Variants in XRCC4 observed in about 807,000 individuals in gnomAD.
XRCC4 encodes the protein DNA repair protein XRCC4.
XRCC4 carries 28 observed loss-of-function variants against 39.1 expected under a neutral mutation model. The ratio of observed to expected loss-of-function variants is 0.72; its 90% CI spans 0.53 to 0.98. XRCC4 has a LOEUF of 0.98. Ranked by LOEUF, XRCC4 falls within the 50% of genes least tolerant of loss-of-function variation. XRCC4 has a pLI of 0.00. For synonymous variants in XRCC4, 123 were observed against 126.4 expected (o/e 0.97, Z 0.18); for missense variants, 350 against 376.4 (o/e 0.93, Z 0.58).
chr5:83,135,013 T>C (rs1249158145), intron 3 of XRCC4, among the ~76,000 whole-genome samples: 1 of 152,180 alleles, frequency 6.6e-6, no homozygotes, highest in Non-Finnish European at 1.5e-5. Flanking sequence ...ACACACCATC[T>C]TTAAGAACTG....
chr5:83,242,799 A>G (rs1429226824), intron 6 of XRCC4, among the ~76,000 whole-genome samples: 1 of 152,160 alleles, frequency 6.6e-6, no homozygotes, highest in Non-Finnish European at 1.5e-5. Context: ...TATAACAACT[A>G]ATGTGCCAAG....
At chr5:83,260,484 C>T (rs1341276687) in intron 7 of XRCC4, among the ~76,000 whole-genome samples, 2 of 151,912 alleles carry the variant, frequency 1.3e-5, no homozygotes, top group African/African-American at 4.8e-5. Context: ...TAATGGTTTG[C>T]GGGAAGAAGG....
intron 3 of XRCC4, among the ~76,000 whole-genome samples, chr5:83,161,245 G>A (rs1228193781): frequency 6.6e-6 from 1 of 151,962 alleles, no homozygotes; most frequent in Non-Finnish European, 1.5e-5. Context: ...CAAGTAGCTG[G>A]GATTATGGGC....
At chr5:83,277,065 C>A (rs1354472610) in intron 7 of XRCC4, among the ~76,000 whole-genome samples, 2 of 151,912 alleles carry the variant, frequency 1.3e-5, no homozygotes, top group East Asian at 1.9e-4. Flanking sequence ...TTGAACTCAT[C>A]TATCTATGTA....
rs569075901 is a variant in XRCC4 at position 83,273,660 on chromosome 5, T to A, written c.893+14983T>A. 1.3e-3 allele frequency among the ~76,000 whole-genome samples: 196 copies of A among 152,268 alleles called. 1 individual carries two copies. The highest frequency in any genetic ancestry group is 4.7e-3 in the African/African-American group (194 of 41,560). ...GGCTACCCAGTTTTCCCAGCACCAT[T>A]TATTAAATAGGGAATCCTTTCCCCC... On this transcript the variant is annotated intron_variant, in intron 7 of 7. Transcript: ENST00000396027.
chr5:83,313,586 C>T (rs550519091), intron 7 of XRCC4, among the ~76,000 whole-genome samples: 19 of 152,112 alleles, frequency 1.2e-4, no homozygotes, highest in Non-Finnish European at 1.9e-4. Context: ...AAAAAGATTC[C>T]TTTCATACTT....
chr5:83,234,599 A>C (rs565661177), intron 6 of XRCC4, among the ~76,000 whole-genome samples: 9 of 152,258 alleles, frequency 5.9e-5, no homozygotes. Context: ...AGTATTCGAT[A>C]ATTCTGCTTA....
intron 7 of XRCC4, among the ~76,000 whole-genome samples, chr5:83,350,186 C>T (rs1158916807): frequency 1.3e-5 from 2 of 152,110 alleles, no homozygotes; most frequent in Non-Finnish European, 2.9e-5. Flanking sequence ...AGGTTGATTC[C>T]ATGTCTTTGC....
intron 6 of XRCC4, among the ~76,000 whole-genome samples, chr5:83,243,660 G>C (rs1752994798): frequency 6.6e-6 from 1 of 152,170 alleles, no homozygotes; most frequent in South Asian, 2.1e-4. Context: ...GCACTCTACA[G>C]CATGCGGTTA....
chr5:83,184,959 T>C (rs930384142), intron 3 of XRCC4, among the ~76,000 whole-genome samples: 3 of 152,118 alleles, frequency 2.0e-5, no homozygotes, highest in Non-Finnish European at 2.9e-5. Context: ...ATCATTACTT[T>C]GAATACAGAG....
At chr5:83,287,524 A>G (rs1280004083) in intron 7 of XRCC4, among the ~76,000 whole-genome samples, 3 of 152,030 alleles carry the variant, frequency 2.0e-5, no homozygotes, top group African/African-American at 7.2e-5. Context: ...ATTATAAATG[A>G]TCCAGAATGG....
chr5:83,339,569 A>G (rs968559139), intron 7 of XRCC4, among the ~76,000 whole-genome samples: 7 of 152,074 alleles, frequency 4.6e-5, no homozygotes, highest in African/African-American at 1.7e-4. Context: ...TGGCACCTGT[A>G]TACCTATGTA....
At chr5:83,238,134 A>G (rs537635236) in intron 6 of XRCC4, among the ~76,000 whole-genome samples, 2 of 152,156 alleles carry the variant, frequency 1.3e-5, no homozygotes, top group East Asian at 3.8e-4. Flanking sequence ...AGCTTCTTCT[A>G]TCTGATTTTT....
At chr5:83,082,728 AT>A (rs201102978) in intron 1 of XRCC4, among the ~76,000 whole-genome samples, 97 of 138,478 alleles carry the variant, frequency 7.0e-4, no homozygotes, top group East Asian at 8.2e-4. Context: ...ACATTATGAG[AT>A]TTTTTTTTTT....
chr5:83,288,460 A>C (rs1754807023), intron 7 of XRCC4, among the ~76,000 whole-genome samples: 1 of 151,892 alleles, frequency 6.6e-6, no homozygotes, highest in Admixed American at 6.6e-5. Flanking sequence ...AGTTGCATAC[A>C]GGCTTAGGAT....
At chr5:83,180,463 G>A (rs931269198) in intron 3 of XRCC4, among the ~76,000 whole-genome samples, 13 of 152,182 alleles carry the variant, frequency 8.5e-5, no homozygotes, top group Admixed American at 2.0e-4. Flanking sequence ...TTAAGTGCTC[G>A]CTCAGAAGTA....
At chr5:83,355,188 T>C (rs1238314192), downstream of XRCC4, among the ~76,000 whole-genome samples, 1 of 152,174 alleles carries the variant, frequency 6.6e-6, no homozygotes, top group East Asian at 1.9e-4. Context: ...TTTCTTTATC[T>C]TTCAGATTTA....
chr5:83,263,573 A>T (rs1345286493), intron 7 of XRCC4, among the ~76,000 whole-genome samples: 1 of 151,040 alleles, frequency 6.6e-6, no homozygotes, highest in Non-Finnish European at 1.5e-5. Context: ...TGTGGTTTTG[A>T]TTTGCATTTC....
intron 7 of XRCC4, among the ~76,000 whole-genome samples, chr5:83,302,148 G>A (rs769431869): frequency 1.6e-4 from 25 of 152,172 alleles, no homozygotes; most frequent in Non-Finnish European, 2.6e-4. Flanking sequence ...GCTGGGTTCC[G>A]TGCGGGTGGG....
Sources: allele counts gnomAD v4.1 joint callset (sites outside exome capture counted in the v4.1 genomes callset), GRCh38; gene constraint gnomAD v4.1.1; transcripts MANE v1.5; gene names NCBI Gene and HGNC (gene_info 2026-07-23, HGNC 2026-07-21).